The following SLC30A9 variants were observed in gnomAD, a reference collection of about 807,000 sequenced individuals.
The protein encoded by SLC30A9 is proton-coupled zinc antiporter SLC30A9, mitochondrial.
In SLC30A9, 58 loss-of-function variants were observed where a neutral mutation model predicts 87.5. The observed-to-expected ratio is 0.66, with a 90% confidence interval of 0.54 to 0.82. The LOEUF is 0.82. Ranked by LOEUF, SLC30A9 falls within the 40% of genes least tolerant of loss-of-function variation. SLC30A9 has a pLI of 0.00. For missense variants in SLC30A9, 557 were observed against 679.1 expected (o/e 0.82, Z 2.00); for synonymous variants, 234 against 233.0 (o/e 1.00, Z -0.04).
chr4:42,081,614 A>G (rs1040445364), intron 17 of SLC30A9, among the ~76,000 whole-genome samples: 5 of 152,246 alleles, frequency 3.3e-5, no homozygotes, highest in African/African-American at 7.2e-5. Context: ...ACAAGATTGA[A>G]TAAACTTTGC....
At position 42,078,333 on chromosome 4, in the gene SLC30A9, G is replaced by A; in HGVS notation, c.1662+8G>A. The A allele has an allele frequency of 7.5e-7, 1 of 1,333,858 alleles. No homozygotes were observed. The highest frequency in any genetic ancestry group is 1.2e-5 in the South Asian group (1 of 80,328). 82.6% of individuals were successfully genotyped at this position (1,333,858 alleles called of 1,614,324 possible). A position where few individuals can be genotyped will look rare whatever the true frequency, so the allele number is the denominator to read the frequency against. On this transcript the variant is annotated splice_region_variant and intron_variant, in intron 17 of 17. Coordinates refer to ENST00000264451, the MANE Select transcript of SLC30A9 (RefSeq NM_006345.4). ...CTTGAGAAGGAACTGAAAGTAAGATGTATTCATAAAAATAACATAATGATA... is the reference window on the plus strand; with the variant it reads ...CTTGAGAAGGAACTGAAAGTAAGATATATTCATAAAAATAACATAATGATA...
chr4:42,039,459 G>A lies in SLC30A9; in HGVS notation c.737+406G>A, dbSNP rs563042615. Reference sequence around the variant, plus strand: ...ATAATTATTTGTTCTTGTTATTTTTGCCTCCTCTTTTTTTTTTTTTTTGAG... The same window carrying A: ...ATAATTATTTGTTCTTGTTATTTTTACCTCCTCTTTTTTTTTTTTTTTGAG... On this transcript the variant is annotated intron_variant, in intron 8 of 17. Transcript: ENST00000264451. 6.7e-5 allele frequency among the ~76,000 whole-genome samples: 10 copies of A among 150,064 alleles called. No individual in the cohort carries two copies. In the East Asian group the frequency reaches 1.9e-3, roughly 29 times the overall value.
intron 3 of SLC30A9, chr4:42,018,489 T>G (rs1409992721): frequency 1.7e-6 from 2 of 1,145,852 alleles, no homozygotes; most frequent in Non-Finnish European, 2.2e-6. Flanking sequence ...TTTCAGCTAC[T>G]GCTTATTCAA....
At chr4:42,049,939 A>G (rs938183130) in intron 9 of SLC30A9, among the ~76,000 whole-genome samples, 1 of 152,206 alleles carries the variant, frequency 6.6e-6, no homozygotes, top group Non-Finnish European at 1.5e-5. Flanking sequence ...TGTGAAAACT[A>G]GAAACCCAAA....
chr4:42,076,476 A>G lies in SLC30A9; in HGVS notation c.1548+690A>G, dbSNP rs185820837. On this transcript the variant is annotated intron_variant, in intron 16 of 17. Coordinates refer to ENST00000264451, the MANE Select transcript of SLC30A9 (RefSeq NM_006345.4). Reference sequence around the variant, plus strand: ...GTAATATGTAACATTTTGAATGTTTAAAAATTGGTATAAATGGTATCCTAC... The same window carrying G: ...GTAATATGTAACATTTTGAATGTTTGAAAATTGGTATAAATGGTATCCTAC... Among the ~76,000 whole-genome samples, 635 of 152,232 alleles carry G rather than the reference A, an allele frequency of 4.2e-3. 6 individuals are homozygous for G. Among genetic ancestry groups the G allele is most frequent in the African/African-American group, 0.014 (591 of 41,530 alleles).
At chr4:42,076,711 C>T (rs1718564441) in intron 16 of SLC30A9, among the ~76,000 whole-genome samples, 1 of 152,056 alleles carries the variant, frequency 6.6e-6, no homozygotes, top group African/African-American at 2.4e-5. Flanking sequence ...CGTCTGTAAT[C>T]CCAGCACTTT....
chr4:42,012,841 A>C (rs962236354), intron 2 of SLC30A9, among the ~76,000 whole-genome samples: 5 of 152,248 alleles, frequency 3.3e-5, no homozygotes, highest in Non-Finnish European at 4.4e-5. Flanking sequence ...ACCTGGAGTT[A>C]CAGAAGGGAA....
intron 6 of SLC30A9, chr4:42,029,943 C>A: frequency 1.2e-6 from 1 of 826,410 alleles, no homozygotes; most frequent in South Asian, 1.3e-5. Flanking sequence ...GCAGAATTAT[C>A]CCTACTATGG....
intron 15 of SLC30A9, 147 bp downstream of exon 15, chr4:42,070,838 G>T: frequency 1.8e-6 from 1 of 557,246 alleles, no homozygotes; most frequent in Non-Finnish European, 3.0e-6. Flanking sequence ...TTATAATCCT[G>T]GAAGTAAGAA....
At chr4:41,999,071 C>T (rs1257342004) in intron 1 of SLC30A9, among the ~76,000 whole-genome samples, 2 of 151,592 alleles carry the variant, frequency 1.3e-5, no homozygotes, top group Non-Finnish European at 2.9e-5. Context: ...CTCTACTGGC[C>T]CAAAATAGAA....
chr4:42,011,254 A>G (rs1008660950), intron 2 of SLC30A9, among the ~76,000 whole-genome samples: 4 of 152,212 alleles, frequency 2.6e-5, no homozygotes, highest in Admixed American at 6.5e-5. Context: ...AATGCAAGAC[A>G]CTTATAAAAC....
chr4:42,069,998 T>G (rs1049829000), intron 14 of SLC30A9, among the ~76,000 whole-genome samples: 4 of 152,188 alleles, frequency 2.6e-5, no homozygotes, highest in Non-Finnish European at 1.5e-5. Context: ...TGTAATGAAT[T>G]AAGTTCTCTC....
chr4:42,029,966 G>T (rs1716353067), intron 6 of SLC30A9: 2 of 887,336 alleles, frequency 2.3e-6, no homozygotes, highest in East Asian at 3.3e-5. Flanking sequence ...AACTCCTGCA[G>T]CCCAAATACC....
chr4:42,017,897 T>C (rs1167689831), intron 2 of SLC30A9, among the ~76,000 whole-genome samples: 1 of 152,168 alleles, frequency 6.6e-6, no homozygotes, highest in Non-Finnish European at 1.5e-5. Context: ...CTTTAGCTTC[T>C]GAAATGATTG....
At chr4:42,035,209 C>G (rs1368213983) in intron 6 of SLC30A9, 66 bp from the exon 7 acceptor site, 1 of 1,460,856 alleles carries the variant, frequency 6.8e-7, no homozygotes, top group African/African-American at 1.4e-5. Flanking sequence ...AAGAGAATAT[C>G]ATGTTCATCT....
chr4:42,003,350 A>G (rs980886403), intron 2 of SLC30A9, among the ~76,000 whole-genome samples: 2 of 152,156 alleles, frequency 1.3e-5, no homozygotes, highest in Non-Finnish European at 2.9e-5. Flanking sequence ...TGTTCAGTAC[A>G]GATCTTTGTC....
In SLC30A9 at chr4:42,089,432, G is replaced by GT. The variant is rs1211362865; in HGVS notation, c.*3315dup. On this transcript the variant is annotated 3_prime_UTR_variant, in exon 18 of 18. Transcript: ENST00000264451. ...GGGGTGGAGTGTTTTTGTTTTTTTT[G>GT]TTTTTTTTTGAGACAGAGTTTCGTT... 1.2e-3 allele frequency: 180 copies of GT among 150,328 alleles called. No individual in the cohort carries two copies. Among genetic ancestry groups the GT allele is most frequent in the South Asian group, 3.4e-3 (16 of 4,710 alleles). 9.3% of individuals were successfully genotyped at this position (150,328 alleles called of 1,614,324 possible). A position where few individuals can be genotyped will look rare whatever the true frequency, so the allele number is the denominator to read the frequency against.
chr4:42,027,513 G>T (rs1716246786), intron 6 of SLC30A9, among the ~76,000 whole-genome samples: 1 of 150,832 alleles, frequency 6.6e-6, no homozygotes, highest in African/African-American at 2.4e-5. Flanking sequence ...AGTAAGAAAA[G>T]TAGACATCTA....
At position 42,014,982 on chromosome 4, in the gene SLC30A9, G is replaced by A. The variant is rs575482827; in HGVS notation, c.275-3129G>A. Among the ~76,000 whole-genome samples, 6 of 152,002 alleles carry A rather than the reference G, an allele frequency of 3.9e-5. No individual in the cohort carries two copies. In the East Asian group the frequency reaches 1.2e-3, roughly 29 times the overall value. ...AGTTAGATAGAATGAATAAGAGCTA[G>A]TATTTGATAGCACAACAGGGTGACT... On this transcript the variant is annotated intron_variant, in intron 2 of 17. Coordinates refer to ENST00000264451, the MANE Select transcript of SLC30A9 (RefSeq NM_006345.4).
Sources: allele counts gnomAD v4.1 joint callset (sites outside exome capture counted in the v4.1 genomes callset), GRCh38; gene constraint gnomAD v4.1.1; transcripts MANE v1.5; gene names NCBI Gene and HGNC (gene_info 2026-07-23, HGNC 2026-07-21).